The following ZCWPW2 variants were observed in gnomAD, a reference collection of about 807,000 sequenced individuals.
ZCWPW2 encodes the protein zinc finger CW-type PWWP domain protein 2.
In ZCWPW2, 45 loss-of-function variants were observed where a neutral mutation model predicts 46.6. The ratio of observed to expected loss-of-function variants is 0.96; its 90% CI spans 0.76 to 1.24. ZCWPW2 has a LOEUF of 1.24. Among genes scored for constraint, ZCWPW2 ranks in the 50% most tolerant of loss-of-function variants. The pLI is 0.00. For synonymous variants in ZCWPW2, 152 were observed against 137.1 expected, an observed-to-expected ratio of 1.11 and a Z score of -0.76; for missense variants, 429 against 403.9, an observed-to-expected ratio of 1.06 and a Z score of -0.53.
At chr3:28,511,835 C>T (rs1351306957) in intron 6 of ZCWPW2, among the ~76,000 whole-genome samples, 2 of 152,118 alleles carry the variant, frequency 1.3e-5, no homozygotes, top group Non-Finnish European at 2.9e-5. Context: ...CTAGATTAAT[C>T]TTCTTCCTCC....
chr3:28,494,787 G>C (rs1699930141), intron 6 of ZCWPW2, among the ~76,000 whole-genome samples: 1 of 137,972 alleles, frequency 7.2e-6, no homozygotes, highest in African/African-American at 2.7e-5. Flanking sequence ...ACCAACAACA[G>C]ACAAACAGAG....
At chr3:28,447,463 A>T (rs535483880) in intron 4 of ZCWPW2, among the ~76,000 whole-genome samples, 3 of 146,286 alleles carry the variant, frequency 2.1e-5, no homozygotes, top group African/African-American at 7.6e-5. Context: ...TTCATGATTT[A>T]AAAAAAAAAA....
intron 1 of ZCWPW2, among the ~76,000 whole-genome samples, chr3:28,354,166 T>C (rs1237445434): frequency 1.3e-5 from 2 of 151,530 alleles, no homozygotes; most frequent in Non-Finnish European, 3.0e-5. Context: ...TTCCCTTTCA[T>C]GGGGATATCA....
intron 6 of ZCWPW2, among the ~76,000 whole-genome samples, chr3:28,504,294 T>C (rs1394537144): frequency 1.3e-5 from 2 of 151,234 alleles, no homozygotes; most frequent in Admixed American, 1.3e-4. Context: ...CTTAAACTTA[T>C]ACTCTACTAT....
chr3:28,433,139 A>G (rs984235544), intron 3 of ZCWPW2, among the ~76,000 whole-genome samples: 4 of 151,908 alleles, frequency 2.6e-5, no homozygotes, highest in South Asian at 2.1e-4. Flanking sequence ...TCCCTACACT[A>G]TACACCACAC....
chr3:28,363,865 C>A (rs922496874), intron 1 of ZCWPW2, among the ~76,000 whole-genome samples: 1 of 152,168 alleles, frequency 6.6e-6, no homozygotes, highest in Non-Finnish European at 1.5e-5. Flanking sequence ...GATCCTACTC[C>A]TTCCTCATCT....
At chr3:28,521,793 G>A (rs1700730898) in intron 9 of ZCWPW2, among the ~76,000 whole-genome samples, 1 of 152,082 alleles carries the variant, frequency 6.6e-6, no homozygotes, top group South Asian at 2.1e-4. Flanking sequence ...CAATGCAGCT[G>A]TTCCCTAACT....
chr3:28,401,054 C>T (rs1168566213), intron 2 of ZCWPW2, among the ~76,000 whole-genome samples: 1 of 152,002 alleles, frequency 6.6e-6, no homozygotes, highest in East Asian at 1.9e-4. Flanking sequence ...TGGCAGGCGC[C>T]TGTAGTCCCA....
At chr3:28,466,467 G>A (rs760321309) in intron 4 of ZCWPW2, among the ~76,000 whole-genome samples, 1 of 152,218 alleles carries the variant, frequency 6.6e-6, no homozygotes, top group Non-Finnish European at 1.5e-5. Flanking sequence ...TGCAAGATCT[G>A]TGTGAATTAA....
intron 8 of ZCWPW2, among the ~76,000 whole-genome samples, 196 bp from the exon 9 acceptor site, chr3:28,520,796 A>G (rs1700701191): frequency 6.6e-6 from 1 of 152,242 alleles, no homozygotes; most frequent in Non-Finnish European, 1.5e-5. Context: ...TTTTCAAGGA[A>G]GAATTGTAAA....
At chr3:28,372,098 G>A (rs920987664) in intron 1 of ZCWPW2, among the ~76,000 whole-genome samples, 25 of 151,084 alleles carry the variant, frequency 1.7e-4, no homozygotes, top group African/African-American at 5.4e-4. Flanking sequence ...GTAATAATAT[G>A]GGCTTAATCT....
chr3:28,477,235 G>T (rs1020851687), intron 4 of ZCWPW2, among the ~76,000 whole-genome samples: 1 of 151,998 alleles, frequency 6.6e-6, no homozygotes. Flanking sequence ...TTAGTGAATT[G>T]TATCTGCCTC....
intron 2 of ZCWPW2, chr3:28,398,355 G>T (rs1317345144): frequency 6.6e-6 from 1 of 152,164 alleles, no homozygotes. Flanking sequence ...CATCTTGGGG[G>T]TGGGACACAA....
chr3:28,472,251 A>G (rs541223507), intron 4 of ZCWPW2, among the ~76,000 whole-genome samples: 6 of 152,330 alleles, frequency 3.9e-5, no homozygotes, highest in African/African-American at 1.4e-4. Flanking sequence ...TAACCACAAA[A>G]GGCTCAGAAT....
intron 4 of ZCWPW2, among the ~76,000 whole-genome samples, chr3:28,476,679 C>A (rs1699247134): frequency 6.6e-6 from 1 of 152,108 alleles, no homozygotes; most frequent in African/African-American, 2.4e-5. Flanking sequence ...CACTTTATTT[C>A]TATTATTATT....
chr3:28,466,096 GTTCTCAC>G (rs1698811649), intron 4 of ZCWPW2, among the ~76,000 whole-genome samples: 1 of 152,154 alleles, frequency 6.6e-6, no homozygotes, highest in Admixed American at 6.5e-5. Context: ...AATACTGCAT[GTTCTCAC>G]TTCTAAGTGG....
intron 4 of ZCWPW2, among the ~76,000 whole-genome samples, chr3:28,469,845 C>T (rs1698973101): frequency 6.6e-6 from 1 of 152,026 alleles, no homozygotes; most frequent in South Asian, 2.1e-4. Flanking sequence ...AATTCAACAT[C>T]CCACTTTCAG....
intron 1 of ZCWPW2, among the ~76,000 whole-genome samples, chr3:28,388,341 C>G (rs923429163): frequency 9.2e-5 from 14 of 152,168 alleles, no homozygotes; most frequent in Non-Finnish European, 1.5e-5. Flanking sequence ...CCTTGTCAAC[C>G]TGACACCCAT....
chr3:28,473,702 A>G (rs552565502), intron 4 of ZCWPW2, among the ~76,000 whole-genome samples: 1 of 152,344 alleles, frequency 6.6e-6, no homozygotes, highest in African/African-American at 2.4e-5. Flanking sequence ...AGCTATGAAG[A>G]AGAAGGAGAT....
Sources: gnomAD v4.1 joint callset for allele counts (sites outside exome capture counted in the v4.1 genomes callset) on GRCh38, gnomAD v4.1.1 for gene constraint, MANE v1.5 for transcripts, NCBI Gene and HGNC (gene_info 2026-07-23, HGNC 2026-07-21) for gene names.